The following SYNE1 variants were observed in gnomAD, a reference collection of about 807,000 sequenced individuals.
The protein encoded by SYNE1 is spectrin repeat containing nuclear envelope protein 1, also known as nesprin-1.
SYNE1 carries 616 observed loss-of-function variants against 1,111.0 expected under a neutral mutation model. That is an observed-to-expected ratio of 0.55 (90% CI 0.52 to 0.59). The LOEUF is 0.59. SYNE1 is among the 20% of genes least tolerant of loss of function. The pLI is 0.00. For synonymous variants in SYNE1, 3,855 were observed against 3,825.8 expected (o/e 1.01, Z -0.28); for missense variants, 10,006 against 10,417.0 (o/e 0.96, Z 1.72).
chr6:152,293,645 T>C lies in SYNE1; in HGVS notation c.17955A>G (p.Lys5985=). 1 of 1,614,038 alleles carries C rather than the reference T, an allele frequency of 6.2e-7. No homozygotes were observed. The change falls in exon 95 of 146, where the codon AAA becomes AAG. Residue 5985 remains lysine, a synonymous_variant. Transcript: ENST00000367255. ...ISTKMEAIEL[K]LSESPEPGRS... ...TGCCAGGCTCTGGGCTCTCACTGAG[T>C]TTCAGCTCAATGGCCTCCATCTTCG...
At chr6:152,363,837 C>T in intron 63 of SYNE1, 1 of 447,774 alleles carries the variant, frequency 2.2e-6, no homozygotes, top group South Asian at 1.6e-5. Flanking sequence ...TACTCCAGAT[C>T]CCCTGCCCTT....
At chr6:152,444,788 A>G (rs2154240110) in intron 29 of SYNE1, among the ~76,000 whole-genome samples, 1 of 152,118 alleles carries the variant, frequency 6.6e-6, no homozygotes, top group Middle Eastern at 3.4e-3. Flanking sequence ...CTTAAGGTCC[A>G]CTCTCGTAGC....
chr6:152,482,008 CA>C (rs1667772426), intron 14 of SYNE1, among the ~76,000 whole-genome samples: 1 of 151,944 alleles, frequency 6.6e-6, no homozygotes, highest in Non-Finnish European at 1.5e-5. Context: ...AAGAGATCAT[CA>C]GCAACTTTAA....
Position 152,430,595 on chromosome 6 carries a change from A to G in SYNE1, c.4576T>C (p.Leu1526=), listed in dbSNP as rs2098419835. The G allele has an allele frequency of 6.2e-7, 1 of 1,614,134 alleles. No individual in the cohort carries two copies. Among genetic ancestry groups the G allele is most frequent in the South Asian group, 1.1e-5 (1 of 91,078 alleles). Residue 1526 remains leucine (L), a synonymous_variant, in exon 35 of 146, where the codon TTG becomes CTG. Coordinates refer to ENST00000367255, the MANE Select transcript of SYNE1 (RefSeq NM_182961.4). ...TCCCCGTATCTTCTTATTTGTGTCA[A>G]CTTGGCTTTAATTCGAGCAGATTCT... ...TGESARIKAK[L]TQIRRYGEEL...
chr6:152,269,481 A>G (rs2093021160), intron 98 of SYNE1, among the ~76,000 whole-genome samples, 195 bp from the exon 99 acceptor site: 1 of 152,222 alleles, frequency 6.6e-6, no homozygotes, highest in African/African-American at 2.4e-5. Context: ...CAAGAACAAC[A>G]TACAGATAAT....
rs1240567559 is a variant in SYNE1, at chr6:152,229,252, G to T, written c.21195+1295C>A. 3.9e-5 allele frequency among the ~76,000 whole-genome samples: 6 copies of T among 152,214 alleles called. 1 individual carries two copies. The East Asian group carries it at 1.2e-3, about 29-fold the overall frequency. ...CAATTGTTTTTAGGAAACACTATAAGGGAACAGTCATAATCTGTAACAATA... is the reference window on the plus strand; with the variant it reads ...CAATTGTTTTTAGGAAACACTATAATGGAACAGTCATAATCTGTAACAATA... On this transcript the variant is annotated intron_variant, in intron 115 of 145. Transcript: ENST00000367255.
At chr6:152,491,754 T>C (rs1441498070) in intron 11 of SYNE1, among the ~76,000 whole-genome samples, 1 of 152,054 alleles carries the variant, frequency 6.6e-6, no homozygotes, top group African/African-American at 2.4e-5. Flanking sequence ...CAAATCTTCT[T>C]TCTCTCCTGT....
chr6:152,521,944 C>T (rs900383396), intron 5 of SYNE1, among the ~76,000 whole-genome samples: 2 of 151,996 alleles, frequency 1.3e-5, no homozygotes, highest in African/African-American at 4.8e-5. Flanking sequence ...AACATATTCA[C>T]CCATGTTTTC....
chr6:152,585,496 T>C (rs1335306828), intron 3 of SYNE1, among the ~76,000 whole-genome samples: 1 of 152,252 alleles, frequency 6.6e-6, no homozygotes, highest in Non-Finnish European at 1.5e-5. Flanking sequence ...GTCTTTTGCC[T>C]ATTTTCTACT....
chr6:152,376,175 T>A (rs1591439793), intron 58 of SYNE1: 2 of 568,558 alleles, frequency 3.5e-6, no homozygotes, highest in Middle Eastern at 9.6e-4. Flanking sequence ...CCTATGAGAA[T>A]CTGATGCTAC....
chr6:152,602,242 G>A (rs2099597932), intron 3 of SYNE1, among the ~76,000 whole-genome samples: 1 of 152,128 alleles, frequency 6.6e-6, no homozygotes, highest in Admixed American at 6.5e-5. Context: ...TCAAGTTCAA[G>A]TAAGCTCATT....
At chr6:152,572,105 T>C (rs1186094903) in intron 3 of SYNE1, among the ~76,000 whole-genome samples, 1 of 152,190 alleles carries the variant, frequency 6.6e-6, no homozygotes, top group Non-Finnish European at 1.5e-5. Flanking sequence ...ATCAAATATA[T>C]TTTTGCATAA....
rs2098395395 is a variant in SYNE1 at position 152,428,531 on chromosome 6, C to G, written c.4789-139G>C. On this transcript the variant is annotated intron_variant, in intron 36 of 145. Transcript: ENST00000367255. ...AGCACTAAGAATGGGTACAAATATA[C>G]AGTTTGATAGAAGAAATGAGACTTA... 7 of 785,444 alleles carry G rather than the reference C, an allele frequency of 8.9e-6. No homozygotes were observed. In the Admixed American group the frequency reaches 1.4e-4, roughly 16 times the overall value. The allele number at this position is 785,444 out of a possible 1,614,324, so 48.7% of individuals were successfully genotyped here. A position where few individuals can be genotyped will look rare whatever the true frequency, so the allele number is the denominator to read the frequency against.
At chr6:152,573,861 A>G (rs971610600) in intron 3 of SYNE1, among the ~76,000 whole-genome samples, 5 of 152,166 alleles carry the variant, frequency 3.3e-5, no homozygotes, top group African/African-American at 1.2e-4. Context: ...AACTTCTATG[A>G]CTAAGAAACA....
At position 152,358,448 on chromosome 6, in the gene SYNE1, T is replaced by C; in HGVS notation, c.10533A>G (p.Glu3511=). 1.2e-6 allele frequency: 2 copies of C among 1,614,198 alleles called. No individual in the cohort carries two copies. Among genetic ancestry groups the C allele is most frequent in the Non-Finnish European group, 1.7e-6 (2 of 1,180,022 alleles). Residue 3511 remains glutamate, a synonymous_variant, in exon 66 of 146, where the codon GAA becomes GAG. Transcript: ENST00000367255. ...LKAFEVWLGQ[E]QEKLDQYSVL... ...CTGAATACTGGTCGAGCTTTTCTTGTTCTTGCCCCAACCAAACTTCAAATG... is the reference window on the plus strand; with the variant it reads ...CTGAATACTGGTCGAGCTTTTCTTGCTCTTGCCCCAACCAAACTTCAAATG...
chr6:152,132,773 C>T (rs1454867076), intron 143 of SYNE1, among the ~76,000 whole-genome samples: 1 of 151,962 alleles, frequency 6.6e-6, no homozygotes, highest in Non-Finnish European at 1.5e-5. Context: ...ATCACCACAT[C>T]TCACCTGCAA....
chr6:152,478,326 A>G (rs2098847226), intron 14 of SYNE1, among the ~76,000 whole-genome samples: 1 of 152,228 alleles, frequency 6.6e-6, no homozygotes, highest in Non-Finnish European at 1.5e-5. Context: ...TGGGAGGGGA[A>G]GTGGGGCTAA....
At position 152,416,923 on chromosome 6, in the gene SYNE1, G is replaced by T. The variant is rs1420340757; in HGVS notation, c.5514C>A (p.Asp1838Glu). Residue 1838 changes from aspartate to glutamate, a missense_variant, in exon 41 of 146, where the codon GAC becomes GAA. Around this residue, in one of 7 missense-constraint regions of SYNE1, gnomAD observed 4,955 missense variants for 5,017.2 expected, o/e 0.99. Transcript: ENST00000367255. ...AKLGSLGRAE[D>E]LHLLQGKAED... ...CAGCCTTTCCCTGCAGGAGGTGGAG[G>T]TCCTCAGCACGGCCCAGAGAACCCA... 6.2e-7 allele frequency: 1 copy of T among 1,614,104 alleles called. No individual in the cohort carries two copies. Among genetic ancestry groups the T allele is most frequent in the Non-Finnish European group, 8.5e-7 (1 of 1,179,992 alleles).
intron 113 of SYNE1, 101 bp from the exon 114 acceptor site, chr6:152,231,668 T>A: frequency 8.0e-7 from 1 of 1,254,474 alleles, no homozygotes; most frequent in Non-Finnish European, 1.1e-6. Flanking sequence ...TATTATCACT[T>A]CCATAACTCA....
Sources: gnomAD v4.1 joint callset for allele counts (sites outside exome capture counted in the v4.1 genomes callset) on GRCh38, gnomAD v4.1.1 for gene constraint, gnomAD v4.1.1 regional missense constraint, MANE v1.5 for transcripts, NCBI Gene and HGNC (gene_info 2026-07-23, HGNC 2026-07-21) for gene names.